Variants in MIB1 observed in about 807,000 individuals in gnomAD.
MIB1 encodes E3 ubiquitin-protein ligase MIB1.
In MIB1, 278 loss-of-function variants were observed where a neutral mutation model predicts 124.5. The ratio of observed to expected loss-of-function variants is 2.23; its 90% CI spans 2.02 to 2.47. The LOEUF (loss-of-function observed/expected upper bound fraction) is 2.47, where lower values mean the gene tolerates loss of function less well. Among genes scored for constraint, MIB1 ranks in the 30% most tolerant of loss-of-function variants. The pLI, the probability that MIB1 is intolerant of heterozygous loss-of-function variation, is 0.00. For synonymous variants in MIB1, 446 were observed against 429.4 expected, an observed-to-expected ratio of 1.04 and a Z score of -0.48; for missense variants, 957 against 1,254.4, an observed-to-expected ratio of 0.76 and a Z score of 3.58.
intron 1 of MIB1, among the ~76,000 whole-genome samples, chr18:21,744,374 T>A (rs1299538458): frequency 1.3e-5 from 2 of 152,192 alleles, no homozygotes; most frequent in Non-Finnish European, 2.9e-5. Context: ...AAGAGTTGCC[T>A]TTTGCCCTTT....
chr18:21,722,104 G>C (rs991202058), intron 1 of MIB1, among the ~76,000 whole-genome samples: 1 of 152,066 alleles, frequency 6.6e-6, no homozygotes, highest in African/African-American at 2.4e-5. Flanking sequence ...GCCCAGGCTG[G>C]AGTGCAATGG....
chr18:21,793,648 G>T (rs377121890), intron 7 of MIB1, among the ~76,000 whole-genome samples: 29 of 151,660 alleles, frequency 1.9e-4, no homozygotes, highest in African/African-American at 6.5e-4. Flanking sequence ...AGGTGTGGTG[G>T]TGTGTGCCTG....
intron 1 of MIB1, among the ~76,000 whole-genome samples, chr18:21,727,687 CA>C (rs1289630595): frequency 6.6e-6 from 1 of 152,108 alleles, no homozygotes; most frequent in Non-Finnish European, 1.5e-5. Context: ...TAGCTTAAGC[CA>C]GGGAATTTGT....
At chr18:21,857,444 T>C (rs980111795) in intron 19 of MIB1, among the ~76,000 whole-genome samples, 6 of 152,246 alleles carry the variant, frequency 3.9e-5, no homozygotes, top group Admixed American at 2.6e-4. Flanking sequence ...ATTATGGAAC[T>C]GTGAACATCA....
chr18:21,764,907 T>C (rs2041139652), intron 1 of MIB1, among the ~76,000 whole-genome samples: 1 of 152,214 alleles, frequency 6.6e-6, no homozygotes, highest in Non-Finnish European at 1.5e-5. Flanking sequence ...AGCATTGAGC[T>C]TGACCATCCA....
intron 1 of MIB1, among the ~76,000 whole-genome samples, chr18:21,750,174 G>C (rs1373401187): frequency 6.6e-6 from 1 of 152,034 alleles, no homozygotes; most frequent in Non-Finnish European, 1.5e-5. Flanking sequence ...CTGTTGCCCA[G>C]GCTGGAGTGC....
chr18:21,840,003 A>G (rs1319349184), intron 13 of MIB1, among the ~76,000 whole-genome samples: 2 of 152,210 alleles, frequency 1.3e-5, no homozygotes, highest in Non-Finnish European at 2.9e-5. Context: ...ACAGTGAGCT[A>G]TGATTACACC....
At chr18:21,783,314 C>G (rs906295222) in intron 6 of MIB1, among the ~76,000 whole-genome samples, 2 of 151,570 alleles carry the variant, frequency 1.3e-5, no homozygotes, top group Non-Finnish European at 2.9e-5. Context: ...ACGATATTGG[C>G]TCACTGCAAC....
chr18:21,793,090 A>G (rs1243887615), intron 7 of MIB1, among the ~76,000 whole-genome samples: 1 of 152,232 alleles, frequency 6.6e-6, no homozygotes, highest in Non-Finnish European at 1.5e-5. Context: ...AGAATTAATG[A>G]GGCATCTGAT....
chr18:21,758,983 T>C (rs2041066477), intron 1 of MIB1, among the ~76,000 whole-genome samples: 1 of 152,024 alleles, frequency 6.6e-6, no homozygotes, highest in Non-Finnish European at 1.5e-5. Context: ...TACAAGTGAA[T>C]AAATGAGTAA....
chr18:21,784,663 A>G (rs2041413113), intron 6 of MIB1, among the ~76,000 whole-genome samples: 1 of 152,200 alleles, frequency 6.6e-6, no homozygotes, highest in Non-Finnish European at 1.5e-5. Context: ...CTATACAGAT[A>G]TAGGAGCTGA....
rs750655686 is a variant in MIB1 at position 21,758,189 on chromosome 18, C to G, written c.230-7583C>G. On this transcript the variant is annotated intron_variant, in intron 1 of 20. Transcript: ENST00000261537. Reference sequence around the variant, plus strand: ...CAAGCTTGGTACTAATAGATAGTGGCTGGTATTATTAATAACAACAATCCT... The same window carrying G: ...CAAGCTTGGTACTAATAGATAGTGGGTGGTATTATTAATAACAACAATCCT... 4.7e-4 allele frequency among the ~76,000 whole-genome samples: 71 copies of G among 152,142 alleles called. 1 individual carries two copies. The highest frequency in any genetic ancestry group is 6.5e-4 in the Admixed American group (10 of 15,280).
intron 17 of MIB1, among the ~76,000 whole-genome samples, chr18:21,850,881 A>AT (rs2146512834): frequency 6.6e-6 from 1 of 152,270 alleles, no homozygotes; most frequent in African/African-American, 2.4e-5. Context: ...CTTTAGATTG[A>AT]TCTGTGTATT....
At position 21,864,714 on chromosome 18, in the gene MIB1, T is replaced by A. The variant is rs558951895; in HGVS notation, c.*48T>A. ...TTAGCTAATGTATCTAGTCATGAGATCTTAATAGGCTTTTGATCTAGTTGG... is the reference window on the plus strand; with the variant it reads ...TTAGCTAATGTATCTAGTCATGAGAACTTAATAGGCTTTTGATCTAGTTGG... On this transcript the variant is annotated 3_prime_UTR_variant, in exon 21 of 21. Coordinates refer to ENST00000261537, the MANE Select transcript of MIB1 (RefSeq NM_020774.4). 6.1e-6 allele frequency: 9 copies of A among 1,469,710 alleles called. No individual in the cohort carries two copies. Among genetic ancestry groups the A allele is most frequent in the Admixed American group, 1.7e-5 (1 of 57,390 alleles). 91.0% of individuals were successfully genotyped at this position (1,469,710 alleles called of 1,614,324 possible). A position where few individuals can be genotyped will look rare whatever the true frequency, so the allele number is the denominator to read the frequency against.
intron 4 of MIB1, among the ~76,000 whole-genome samples, chr18:21,774,958 T>G (rs2146419516): frequency 6.6e-6 from 1 of 150,864 alleles, no homozygotes; most frequent in Non-Finnish European, 1.5e-5. Flanking sequence ...TATTTATTTA[T>G]TTTTTGAGAC....
At chr18:21,757,440 A>G (rs1451208997) in intron 1 of MIB1, among the ~76,000 whole-genome samples, 1 of 98,912 alleles carries the variant, frequency 1.0e-5, no homozygotes, top group Non-Finnish European at 1.9e-5. Flanking sequence ...CTACAGAGTG[A>G]GACTCTGTCT....
intron 3 of MIB1, 146 bp downstream of exon 3, chr18:21,768,898 G>T (rs1244395975): frequency 1.4e-5 from 10 of 725,544 alleles, no homozygotes; most frequent in East Asian, 4.0e-5. Context: ...TTCTCTGGAA[G>T]TAAAAAGATT....
At chr18:21,820,968 G>A (rs2041872802) in intron 12 of MIB1, among the ~76,000 whole-genome samples, 1 of 152,184 alleles carries the variant, frequency 6.6e-6, no homozygotes, top group Non-Finnish European at 1.5e-5. Flanking sequence ...CATGGGCAGT[G>A]AATGTGTCAA....
Position 21,843,174 on chromosome 18 carries a change from C to T in MIB1, c.2006C>T (p.Ala669Val). 3 of 1,603,480 alleles carry T rather than the reference C, an allele frequency of 1.9e-6. No homozygotes were observed. The highest frequency in any genetic ancestry group is 3.3e-4 in the Middle Eastern group (2 of 6,050). Residue 669 changes from alanine (A) to valine (V), a missense_variant, in exon 14 of 21, where the codon GCC becomes GTC. By Grantham distance (64) the Ala-to-Val change is moderately conservative. Coordinates refer to ENST00000261537, the MANE Select transcript of MIB1 (RefSeq NM_020774.4). ...LDIQNVNQQT[A>V]LHLAVERQHT... ...ATCCAGAATGTGAACCAACAAACTG[C>T]CCTACACCTTGCTGTTGAACGACAG...
Sources: allele counts gnomAD v4.1 joint callset (sites outside exome capture counted in the v4.1 genomes callset), GRCh38; gene constraint gnomAD v4.1.1; transcripts MANE v1.5; gene names NCBI Gene and HGNC (gene_info 2026-07-23, HGNC 2026-07-21).